The following TINAGL1 variants were observed in gnomAD, a reference collection of about 807,000 sequenced individuals.
The protein encoded by TINAGL1 is tubulointerstitial nephritis antigen like 1.
A neutral mutation model predicts 62.0 loss-of-function variants in TINAGL1; 34 were observed. The ratio of observed to expected loss-of-function variants is 0.55; its 90% CI spans 0.42 to 0.73. The LOEUF (loss-of-function observed/expected upper bound fraction) is 0.73, where lower values mean the gene tolerates loss of function less well. Among genes scored for constraint, TINAGL1 ranks in the 30% least tolerant of loss-of-function variants. The pLI is 0.00. For synonymous variants in TINAGL1, 221 were observed against 249.7 expected (o/e 0.88, Z 1.08); for missense variants, 516 against 653.2 (o/e 0.79, Z 2.29).
rs144415175 is a variant in TINAGL1, at chr1:31,579,249, G to T, written c.356G>T (p.Trp119Leu). Residue 119 changes from tryptophan (W) to leucine (L), a missense_variant, in exon 3 of 12, where the codon TGG becomes TTG. Physicochemically the swap from Trp to Leu is moderately conservative, Grantham distance 61. Transcript: ENST00000271064. ...GRIYPVLGTY[W>L]DNCNRCTCQE... ...ATCTATCCAGTCTTGGGAACGTACT[G>T]GGACAACTGTAACCGTTGGTGAGTG... 18 of 1,614,088 alleles carry T rather than the reference G, an allele frequency of 1.1e-5. No homozygotes were observed. In the Middle Eastern group the frequency reaches 5.0e-4, roughly 44 times the overall value.
Position 31,583,503 on chromosome 1 carries a change from G to C in TINAGL1, c.510G>C (p.Leu170=). Residue 170 remains leucine, a synonymous_variant, in exon 5 of 12, where the codon CTG becomes CTC. Transcript: ENST00000271064. This position sits in a 1 kb window ranked among gnomAD's most constrained non-coding sequence, Gnocchi z 4.4. ...GNHSAFWGMT[L]DEGIRYRLGT... ...ACAGCGCCTTCTGGGGCATGACCCT[G>C]GATGAGGGCATTCGCTACCGCCTGG... is the stretch of plus-strand genomic sequence containing the variant. The C allele has an allele frequency of 6.2e-7, 1 of 1,614,062 alleles. No individual in the cohort carries two copies. Among genetic ancestry groups the C allele is most frequent in the African/African-American group, 1.3e-5 (1 of 75,058 alleles).
rs1330414248 is a variant in TINAGL1, at chr1:31,583,841, G to C, written c.582+266G>C. On this transcript the variant is annotated intron_variant, in intron 5 of 11. Transcript: ENST00000271064. The surrounding 1 kb of genome is among the most constrained non-coding windows in gnomAD (Gnocchi z 4.4). ...TCTCCAGCCTGGGAAAAATGCTGTT[G>C]GTCTCAGTACAGCTGGGTTAGGGCC... The C allele has an allele frequency of 2.1e-6, 1 of 476,604 alleles. No homozygotes were observed. The highest frequency in any genetic ancestry group is 3.8e-6 in the Non-Finnish European group (1 of 261,406). 29.5% of individuals were successfully genotyped at this position (476,604 alleles called of 1,614,324 possible).
At position 31,579,247 on chromosome 1, in the gene TINAGL1, C is replaced by A; in HGVS notation, c.354C>A (p.Tyr118Ter). 1.9e-6 allele frequency: 3 copies of A among 1,614,094 alleles called. No homozygotes were observed. Among genetic ancestry groups the A allele is most frequent in the Non-Finnish European group, 2.5e-6 (3 of 1,179,970 alleles). ...GGRIYPVLGT[Y>*]WDNCNRCTCQ... ...GTATCTATCCAGTCTTGGGAACGTA[C>A]TGGGACAACTGTAACCGTTGGTGAG... The change falls in exon 3 of 12, where the codon TAC becomes TAA. Residue 118 changes from tyrosine to a stop codon, truncating the protein, a stop_gained. Transcript: ENST00000271064. LOFTEE classifies it high-confidence loss of function.
At chr1:31,586,058 G>A in intron 10 of TINAGL1, 182 bp downstream of exon 10, 1 of 753,652 alleles carries the variant, frequency 1.3e-6, no homozygotes, top group South Asian at 2.9e-5. Flanking sequence ...AAGGTTGGGA[G>A]CCTCTGAAGG....
chr1:31,583,630 G>A lies in TINAGL1; in HGVS notation c.582+55G>A. 2.0e-6 allele frequency: 3 copies of A among 1,488,182 alleles called. No homozygotes were observed. The highest frequency in any genetic ancestry group is 1.2e-5 in the South Asian group (1 of 83,780). The allele number at this position is 1,488,182 out of a possible 1,614,324, so 92.2% of individuals were successfully genotyped here. A position where few individuals can be genotyped will look rare whatever the true frequency, so the allele number is the denominator to read the frequency against. Reference sequence around the variant, plus strand: ...ATCTCCCCATGGCTCAGAACCTCAGGGATGCTGGCCCTGTGCCCTGCTCCT... The same window carrying A: ...ATCTCCCCATGGCTCAGAACCTCAGAGATGCTGGCCCTGTGCCCTGCTCCT... On this transcript the variant is annotated intron_variant, in intron 5 of 11. Transcript: ENST00000271064. The surrounding 1 kb of genome is among the most constrained non-coding windows in gnomAD (Gnocchi z 4.4).
rs202044477 is a variant in TINAGL1, at chr1:31,577,264, G to A, written c.116G>A (p.Gly39Asp). The A allele has an allele frequency of 1.6e-4, 261 of 1,611,316 alleles. 1 individual carries two copies. Among genetic ancestry groups the A allele is most frequent in the Non-Finnish European group, 3.0e-5 (35 of 1,179,318 alleles). ...RELAPGLHLR[G>D]IRDAGGRYCQ... ...CTAGCACCGGGTCTGCACCTGCGGG[G>A]CATCCGGGACGCGGGAGGCCGGTAC... Residue 39 changes from glycine (G) to aspartate (D), a missense_variant, in exon 2 of 12, where the codon GGC becomes GAC. By Grantham distance (94) the Gly-to-Asp change is moderately conservative. Transcript: ENST00000271064. The surrounding 1 kb of genome is among the most constrained non-coding windows in gnomAD (Gnocchi z 5.4).
chr1:31,580,758 A>G, intron 3 of TINAGL1: 1 of 1,227,572 alleles, frequency 8.1e-7, no homozygotes, highest in South Asian at 1.4e-5. Flanking sequence ...AGCATTATAG[A>G]ATTCATAGAA....
rs1638957999 is a variant in TINAGL1, at chr1:31,576,619, G to A, written c.-16+24G>A. The A allele has an allele frequency of 6.5e-6, 1 of 152,786 alleles. No individual in the cohort carries two copies. The highest frequency in any genetic ancestry group is 2.4e-5 in the African/African-American group (1 of 41,450). 9.5% of individuals were successfully genotyped at this position (152,786 alleles called of 1,614,324 possible). Reference sequence around the variant, plus strand: ...AGGTAGGGACGCTCCCCTGCTCAGAGGGCGGAAGGTGTAGACAGAGAAGAA... The same window carrying A: ...AGGTAGGGACGCTCCCCTGCTCAGAAGGCGGAAGGTGTAGACAGAGAAGAA... On this transcript the variant is annotated intron_variant, in intron 1 of 11. Transcript: ENST00000271064. The surrounding 1 kb of genome is among the most constrained non-coding windows in gnomAD (Gnocchi z 5.1).
In TINAGL1 at chr1:31,586,723, A is replaced by G. The variant is rs1371310979; in HGVS notation, c.1231A>G (p.Thr411Ala). The change falls in exon 11 of 12, where the codon ACG (threonine) becomes GCG (alanine). Residue 411 changes from threonine (T) to alanine (A), a missense_variant. Physicochemically the swap from Thr to Ala is moderately conservative, Grantham distance 58. Coordinates refer to ENST00000271064, the MANE Select transcript of TINAGL1 (RefSeq NM_022164.3). The stretch of plus-strand genomic sequence containing the variant: ...CTCTGCCCACAGATGGGGAGAGGAG[A>G]CGCTGCCAGATGGAAGGACGCTCAA... ...SVKITGWGEE[T>A]LPDGRTLKYW... 2 of 1,557,298 alleles carry G rather than the reference A, an allele frequency of 1.3e-6. No homozygotes were observed. Among genetic ancestry groups the G allele is most frequent in the Non-Finnish European group, 1.7e-6 (2 of 1,150,252 alleles).
In TINAGL1 at chr1:31,584,859, G is replaced by A. The variant is rs371946587; in HGVS notation, c.707-27G>A. The A allele has an allele frequency of 4.3e-5, 70 of 1,613,368 alleles. No individual in the cohort carries two copies. Among genetic ancestry groups the A allele is most frequent in the Admixed American group, 1.3e-4 (8 of 59,980 alleles). Reference sequence around the variant, plus strand: ...AGGAGGGCCAAGTCCTGAGCCTCCCGACAGCCCCTCTATCTCACCCCACCA... The same window carrying A: ...AGGAGGGCCAAGTCCTGAGCCTCCCAACAGCCCCTCTATCTCACCCCACCA... On this transcript the variant is annotated intron_variant, in intron 6 of 11. Coordinates refer to ENST00000271064, the MANE Select transcript of TINAGL1 (RefSeq NM_022164.3). This position sits in a 1 kb window ranked among gnomAD's most constrained non-coding sequence, Gnocchi z 4.0.
At position 31,576,820 on chromosome 1, in the gene TINAGL1, C is replaced by T. The variant is rs3738007; in HGVS notation, c.-16+225C>T. Among the ~76,000 whole-genome samples, 8,583 of 152,176 alleles carry T rather than the reference C, an allele frequency of 0.056. 350 individuals are homozygous for T. The highest frequency in any genetic ancestry group is 0.18 in the East Asian group (935 of 5,138). ...GGAGGCTGCTGGAGGGCAGAGAGAC[C>T]TAGGACAGGAGAGAAGACCTTGGGT... On this transcript the variant is annotated intron_variant, in intron 1 of 11. Coordinates refer to ENST00000271064, the MANE Select transcript of TINAGL1 (RefSeq NM_022164.3). This position sits in a 1 kb window ranked among gnomAD's most constrained non-coding sequence, Gnocchi z 5.1.
chr1:31,584,916 C>A lies in TINAGL1; in HGVS notation c.737C>A (p.Ser246Tyr). ...AVASDRVSIH[S>Y]LGHMTPVLSP... The stretch of plus-strand genomic sequence containing the variant: ...GCATCCGATCGTGTCTCAATCCATT[C>A]TCTGGGACACATGACGCCTGTCCTG... The change falls in exon 7 of 12, where the codon TCT (serine) becomes TAT (tyrosine). Residue 246 changes from serine to tyrosine, a missense_variant. Transcript: ENST00000271064. This position sits in a 1 kb window ranked among gnomAD's most constrained non-coding sequence, Gnocchi z 4.0. The A allele has an allele frequency of 1.9e-6, 3 of 1,609,594 alleles. No homozygotes were observed. Among genetic ancestry groups the A allele is most frequent in the Non-Finnish European group, 2.6e-6 (3 of 1,176,244 alleles).
At position 31,579,006 on chromosome 1, in the gene TINAGL1, G is replaced by A. The variant is rs28402919; in HGVS notation, c.311-198G>A. ...TTAATTTTAGTGACAGCTGGTGTGT[G>A]TGTGTGTGTGTGTGTGTGATGTCTT... On this transcript the variant is annotated intron_variant, in intron 2 of 11. Transcript: ENST00000271064. Among the ~76,000 whole-genome samples, 8 of 79,330 alleles carry A rather than the reference G, an allele frequency of 1.0e-4. 1 individual carries two copies. Among genetic ancestry groups the A allele is most frequent in the African/African-American group, 3.4e-4 (7 of 20,320 alleles). The allele number at this position is 79,330 out of a possible 152,430, so 52.0% of individuals were successfully genotyped here.
At chr1:31,581,662 G>A (rs1639248866) in intron 3 of TINAGL1, among the ~76,000 whole-genome samples, 1 of 152,178 alleles carries the variant, frequency 6.6e-6, no homozygotes, top group Non-Finnish European at 1.5e-5. Flanking sequence ...TCCTGTAACA[G>A]AATGGTGATA....
In TINAGL1 at chr1:31,586,879, G is replaced by A; in HGVS notation, c.1304G>A (p.Gly435Asp). 2 of 1,555,002 alleles carry A rather than the reference G, an allele frequency of 1.3e-6. No individual in the cohort carries two copies. The highest frequency in any genetic ancestry group is 8.7e-7 in the Non-Finnish European group (1 of 1,150,506). Residue 435 changes from glycine (G) to aspartate (D), a missense_variant, in exon 12 of 12, where the codon GGC becomes GAC. Transcript: ENST00000271064. ...NSWGPAWGER[G>D]HFRIVRGVNE... ...TGGGGCCCAGCCTGGGGCGAGAGGGGCCACTTCCGCATCGTGCGCGGCGTC... is the reference window on the plus strand; with the variant it reads ...TGGGGCCCAGCCTGGGGCGAGAGGGACCACTTCCGCATCGTGCGCGGCGTC...
Position 31,583,069 on chromosome 1 carries a change from A to C in TINAGL1, c.375-80A>C. 1 of 1,279,896 alleles carries C rather than the reference A, an allele frequency of 7.8e-7. No individual in the cohort carries two copies. Among genetic ancestry groups the C allele is most frequent in the Admixed American group, 1.7e-5 (1 of 59,538 alleles). The allele number at this position is 1,279,896 out of a possible 1,614,324, so 79.3% of individuals were successfully genotyped here. A position where few individuals can be genotyped will look rare whatever the true frequency, so the allele number is the denominator to read the frequency against. On this transcript the variant is annotated intron_variant, in intron 3 of 11. Transcript: ENST00000271064. This position sits in a 1 kb window ranked among gnomAD's most constrained non-coding sequence, Gnocchi z 4.4. The stretch of plus-strand genomic sequence containing the variant: ...GTCACTTGCACAGACTCCCTGGCCC[A>C]TGTTAACCTCCGAGGCCACATTCCT...
At position 31,587,090 on chromosome 1, in the gene TINAGL1, CGGGCGCCA is replaced by C; in HGVS notation, c.*118_*125del. On this transcript the variant is annotated 3_prime_UTR_variant, in exon 12 of 12. Coordinates refer to ENST00000271064, the MANE Select transcript of TINAGL1 (RefSeq NM_022164.3). ...CGCCCGACAGAGCCCGGGGCGCAGG[CGGGCGCCA>C]GGGCGCTAATCCCGGCGCGGGTTCC... 7.6e-7 allele frequency: 1 copy of C among 1,321,456 alleles called. No homozygotes were observed. The highest frequency in any genetic ancestry group is 9.6e-7 in the Non-Finnish European group (1 of 1,040,552). The allele number at this position is 1,321,456 out of a possible 1,614,324, so 81.9% of individuals were successfully genotyped here. A position where few individuals can be genotyped will look rare whatever the true frequency, so the allele number is the denominator to read the frequency against.
At chr1:31,578,375 G>A (rs1261699392) in intron 2 of TINAGL1, among the ~76,000 whole-genome samples, 1 of 121,980 alleles carries the variant, frequency 8.2e-6, no homozygotes, top group Non-Finnish European at 1.7e-5. Flanking sequence ...AGTGAGAGCT[G>A]GTATGTGTGT....
chr1:31,581,972 C>T (rs553018249), intron 3 of TINAGL1, among the ~76,000 whole-genome samples: 89 of 152,218 alleles, frequency 5.8e-4, no homozygotes, highest in Non-Finnish European at 1.1e-3. Context: ...TTTTCCTAGG[C>T]GCTGAAAATA....
Sources: allele counts gnomAD v4.1 joint callset (sites outside exome capture counted in the v4.1 genomes callset), GRCh38; gene constraint gnomAD v4.1.1; non-coding constraint Gnocchi (gnomAD v3.1); transcripts MANE v1.5; gene names NCBI Gene and HGNC (gene_info 2026-07-23, HGNC 2026-07-21).